Variants in GRM7 observed in about 807,000 individuals in gnomAD.
GRM7 encodes the protein glutamate metabotropic receptor 7.
In GRM7, 35 loss-of-function variants were observed where a neutral mutation model predicts 84.5. The ratio of observed to expected loss-of-function variants is 0.41; its 90% CI spans 0.32 to 0.55. The LOEUF (loss-of-function observed/expected upper bound fraction) is 0.55. Ranked by LOEUF, GRM7 falls within the 20% of genes least tolerant of loss-of-function variation. GRM7 has a pLI of 0.19. For synonymous variants in GRM7, 487 were observed against 455.1 expected, an observed-to-expected ratio of 1.07 and a Z score of -0.89; for missense variants, 1,003 against 1,194.6, an observed-to-expected ratio of 0.84 and a Z score of 2.36.
At chr3:7,349,872 C>G (rs1296673319) in intron 4 of GRM7, among the ~76,000 whole-genome samples, 1 of 151,476 alleles carries the variant, frequency 6.6e-6, no homozygotes, top group Non-Finnish European at 1.5e-5. Context: ...GGTTAGATTC[C>G]TCCTCTTTTT....
intron 8 of GRM7, among the ~76,000 whole-genome samples, chr3:7,601,268 T>C (rs1037472279): frequency 2.0e-5 from 3 of 152,130 alleles, no homozygotes; most frequent in Admixed American, 6.6e-5. Flanking sequence ...TGCTGTGCAT[T>C]TTGTCTTATG....
At chr3:7,008,192 C>T (rs970744541) in intron 1 of GRM7, among the ~76,000 whole-genome samples, 10 of 152,096 alleles carry the variant, frequency 6.6e-5, no homozygotes, top group Admixed American at 3.3e-4. Flanking sequence ...TGAATTTTCT[C>T]ATTGTGTCAA....
intron 7 of GRM7, among the ~76,000 whole-genome samples, chr3:7,465,911 G>A (rs1698443883): frequency 6.6e-6 from 1 of 152,074 alleles, no homozygotes; most frequent in Non-Finnish European, 1.5e-5. Context: ...GCGGTAAAAT[G>A]TCTCATGTAC....
chr3:7,238,624 C>T (rs550536724), intron 2 of GRM7, among the ~76,000 whole-genome samples: 1 of 152,224 alleles, frequency 6.6e-6, no homozygotes, highest in Admixed American at 6.5e-5. Flanking sequence ...AAAGGAATTG[C>T]CTAAAGCCAT....
chr3:7,680,031 G>A lies in GRM7; in HGVS notation c.2452-18G>A. 2 of 1,613,108 alleles carry A rather than the reference G, an allele frequency of 1.2e-6. No individual in the cohort carries two copies. The highest frequency in any genetic ancestry group is 8.5e-7 in the Non-Finnish European group (1 of 1,179,208). On this transcript the variant is annotated intron_variant, in intron 8 of 9. Coordinates refer to ENST00000357716, the MANE Select transcript of GRM7 (RefSeq NM_000844.4). ...GTCATTTTATTTGTAATAGTGCCTT[G>A]TGTGTTGTGTCTCCTAGCTCTACAT...
intron 4 of GRM7, among the ~76,000 whole-genome samples, chr3:7,310,891 A>G (rs1205038459): frequency 6.6e-6 from 1 of 152,000 alleles, no homozygotes; most frequent in Non-Finnish European, 1.5e-5. Flanking sequence ...TCCCTCTCGC[A>G]TGAGATCTCT....
At chr3:7,447,762 ATTATAC>A (rs1697580970) in intron 5 of GRM7, among the ~76,000 whole-genome samples, 1 of 151,342 alleles carries the variant, frequency 6.6e-6, no homozygotes, top group Non-Finnish European at 1.5e-5. Context: ...TTATTTTATT[ATTATAC>A]TTTAAGTTTT....
intron 1 of GRM7, among the ~76,000 whole-genome samples, chr3:6,969,596 C>T (rs1693659717): frequency 1.3e-5 from 2 of 152,148 alleles, no homozygotes; most frequent in African/African-American, 4.8e-5. Context: ...AGCACAGTAG[C>T]GCCTTAATGA....
At chr3:6,871,355 G>A (rs768631428) in intron 1 of GRM7, among the ~76,000 whole-genome samples, 5 of 151,900 alleles carry the variant, frequency 3.3e-5, no homozygotes, top group Non-Finnish European at 5.9e-5. Flanking sequence ...ATTATTTTAT[G>A]TTCTTCATTA....
At chr3:7,521,987 GA>G (rs1700614437) in intron 7 of GRM7, among the ~76,000 whole-genome samples, 1 of 152,088 alleles carries the variant, frequency 6.6e-6, no homozygotes, top group African/African-American at 2.4e-5. Context: ...TTGGAGTGTG[GA>G]ACTCAGAATC....
intron 1 of GRM7, among the ~76,000 whole-genome samples, chr3:6,897,523 T>C (rs573588291): frequency 6.6e-6 from 1 of 152,312 alleles, no homozygotes; most frequent in South Asian, 2.1e-4. Flanking sequence ...TGGTACCTTC[T>C]CACCATTTTT....
chr3:7,314,370 C>T (rs1156538627), intron 4 of GRM7, among the ~76,000 whole-genome samples: 1 of 151,472 alleles, frequency 6.6e-6, no homozygotes, highest in African/African-American at 2.4e-5. Flanking sequence ...TCATTAGCAT[C>T]TCTATATATT....
chr3:7,649,315 T>C (rs57163864), intron 8 of GRM7, among the ~76,000 whole-genome samples: 99,624 of 151,904 alleles, frequency 0.66, 33,195 homozygotes, highest in African/African-American at 0.75. Context: ...GTGATCCTCC[T>C]GCCTCGGCCT....
intron 7 of GRM7, among the ~76,000 whole-genome samples, chr3:7,483,571 C>A (rs556291680): frequency 2.1e-4 from 32 of 152,132 alleles, no homozygotes; most frequent in Non-Finnish European, 4.4e-4. Context: ...TGTCTTGGGC[C>A]TGGAGAAGAG....
intron 9 of GRM7, among the ~76,000 whole-genome samples, chr3:7,687,012 G>A (rs1219513322): frequency 3.3e-5 from 5 of 152,156 alleles, no homozygotes; most frequent in South Asian, 2.1e-4. Context: ...AAAATAAATC[G>A]GTTTACTGGC....
At chr3:7,545,559 A>C (rs1354517040) in intron 7 of GRM7, among the ~76,000 whole-genome samples, 1 of 152,182 alleles carries the variant, frequency 6.6e-6, no homozygotes, top group Non-Finnish European at 1.5e-5. Flanking sequence ...TTGTTTTTTA[A>C]CCAGAAAGTC....
At chr3:7,379,614 T>C (rs1467457668) in intron 4 of GRM7, among the ~76,000 whole-genome samples, 2 of 152,184 alleles carry the variant, frequency 1.3e-5, no homozygotes, top group Non-Finnish European at 2.9e-5. Context: ...TTTTTTCTTA[T>C]CTTTTTGGTG....
rs534017549 is a variant in GRM7 at position 6,935,856 on chromosome 3, C to T, written c.519+73949C>T. On this transcript the variant is annotated intron_variant, in intron 1 of 9. Coordinates refer to ENST00000357716, the MANE Select transcript of GRM7 (RefSeq NM_000844.4). The stretch of plus-strand genomic sequence containing the variant: ...GATTACAGGTGTGTGCCAACACGCA[C>T]GGCTAATTTTTGTATTTTTAGTAGA... 2.8e-4 allele frequency among the ~76,000 whole-genome samples: 42 copies of T among 152,026 alleles called. No individual in the cohort carries two copies. In the South Asian group the frequency reaches 3.1e-3, roughly 11 times the overall value.
rs571403428 is a variant in GRM7, at chr3:7,405,560, G to A, written c.1034-9463G>A. On this transcript the variant is annotated intron_variant, in intron 4 of 9. Coordinates refer to ENST00000357716, the MANE Select transcript of GRM7 (RefSeq NM_000844.4). ...TGAGTATATTTACTATACCTACTTC[G>A]GATAGTTATAAATAATAGATTTATA... Among the ~76,000 whole-genome samples, 4 of 152,002 alleles carry A rather than the reference G, an allele frequency of 2.6e-5. No individual in the cohort carries two copies. In the East Asian group the frequency reaches 5.8e-4, roughly 22 times the overall value.
Sources: allele counts gnomAD v4.1 joint callset (sites outside exome capture counted in the v4.1 genomes callset), GRCh38; gene constraint gnomAD v4.1.1; transcripts MANE v1.5; gene names NCBI Gene and HGNC (gene_info 2026-07-23, HGNC 2026-07-21).